SCFD2: variants seen among roughly 807,000 people sequenced by gnomAD.
SCFD2 encodes sec1 family domain-containing protein 2.
In SCFD2, 54 loss-of-function variants were observed where a neutral mutation model predicts 58.9. That is an observed-to-expected ratio of 0.92 (90% CI 0.74 to 1.15). The LOEUF (loss-of-function observed/expected upper bound fraction) is 1.15. Among genes scored for constraint, SCFD2 ranks in the 50% most tolerant of loss-of-function variants. SCFD2 has a pLI of 0.00. For missense variants in SCFD2, 805 were observed against 836.6 expected, an observed-to-expected ratio of 0.96 and a Z score of 0.47; for synonymous variants, 321 against 335.9, an observed-to-expected ratio of 0.96 and a Z score of 0.49.
At chr4:53,119,705 T>C (rs565473930) in intron 5 of SCFD2, among the ~76,000 whole-genome samples, 2 of 152,236 alleles carry the variant, frequency 1.3e-5, no homozygotes, top group African/African-American at 4.8e-5. Context: ...TTCAGAACTT[T>C]CCAAACCCCT....
At chr4:53,250,485 C>T (rs1299903068) in intron 4 of SCFD2, among the ~76,000 whole-genome samples, 1 of 151,994 alleles carries the variant, frequency 6.6e-6, no homozygotes, top group African/African-American at 2.4e-5. Context: ...CACCCCAAAT[C>T]AACAGAATAT....
intron 5 of SCFD2, among the ~76,000 whole-genome samples, chr4:52,952,843 A>AT (rs1352643740): frequency 6.6e-6 from 1 of 152,210 alleles, no homozygotes; most frequent in African/African-American, 2.4e-5. Flanking sequence ...CTTTTCCCAG[A>AT]TAAAAATAGA....
intron 2 of SCFD2, among the ~76,000 whole-genome samples, chr4:53,344,895 C>T (rs10029558): frequency 0.59 from 89,910 of 151,984 alleles, 26,738 homozygotes; most frequent in Middle Eastern, 0.66. Context: ...TGACTAGCCA[C>T]ATGTAGAAAG....
chr4:52,934,321 T>C (rs533111282), intron 5 of SCFD2, among the ~76,000 whole-genome samples: 2 of 152,322 alleles, frequency 1.3e-5, no homozygotes, highest in Non-Finnish European at 2.9e-5. Flanking sequence ...ATGGTTTCAC[T>C]GTGAGCTCAT....
At chr4:53,361,039 C>T (rs538325264) in intron 1 of SCFD2, among the ~76,000 whole-genome samples, 1 of 152,132 alleles carries the variant, frequency 6.6e-6, no homozygotes, top group Non-Finnish European at 1.5e-5. Flanking sequence ...CTAAAATGCC[C>T]TCTCCCACAC....
At chr4:53,341,167 G>T (rs1314008937) in intron 2 of SCFD2, among the ~76,000 whole-genome samples, 1 of 152,186 alleles carries the variant, frequency 6.6e-6, no homozygotes, top group African/African-American at 2.4e-5. Flanking sequence ...CCAAGCTAAA[G>T]GAGGATGTTC....
At chr4:53,173,470 C>G (rs1340731399) in intron 4 of SCFD2, among the ~76,000 whole-genome samples, 1 of 146,934 alleles carries the variant, frequency 6.8e-6, no homozygotes, top group East Asian at 2.0e-4. Flanking sequence ...CTATGTGTGC[C>G]CTTAAAAGTG....
intron 4 of SCFD2, among the ~76,000 whole-genome samples, chr4:53,182,985 T>C (rs1287897780): frequency 1.3e-5 from 2 of 152,058 alleles, no homozygotes; most frequent in Non-Finnish European, 2.9e-5. Context: ...TGGCGATCAT[T>C]AAAAAGTCAG....
At chr4:52,892,802 T>C (rs1577803242) in intron 7 of SCFD2, among the ~76,000 whole-genome samples, 1 of 152,298 alleles carries the variant, frequency 6.6e-6, no homozygotes, top group Middle Eastern at 3.4e-3. Flanking sequence ...GGGAACCTGG[T>C]TTGTCTCTAT....
At chr4:53,158,369 T>C (rs1726752429) in intron 4 of SCFD2, among the ~76,000 whole-genome samples, 2 of 152,218 alleles carry the variant, frequency 1.3e-5, no homozygotes, top group Admixed American at 1.3e-4. Context: ...TCTCCACTTG[T>C]ATATCTCACC....
intron 6 of SCFD2, among the ~76,000 whole-genome samples, chr4:52,912,199 A>C (rs1402039929): frequency 1.3e-5 from 2 of 152,188 alleles, no homozygotes; most frequent in Non-Finnish European, 2.9e-5. Flanking sequence ...AGAAAAGATG[A>C]GATAATGAAC....
chr4:53,183,382 C>T (rs1158214850), intron 4 of SCFD2, among the ~76,000 whole-genome samples: 1 of 152,100 alleles, frequency 6.6e-6, no homozygotes, highest in Non-Finnish European at 1.5e-5. Context: ...AACCATCATC[C>T]TCAGCAAACT....
chr4:53,280,659 CCA>C (rs1159130056), intron 3 of SCFD2, among the ~76,000 whole-genome samples: 1 of 152,064 alleles, frequency 6.6e-6, no homozygotes, highest in Admixed American at 6.6e-5. Context: ...GAATGAAAAT[CCA>C]GTGTGTAGAA....
intron 4 of SCFD2, among the ~76,000 whole-genome samples, chr4:53,251,242 TAGCTTACCAACCAAA>T (rs1730364516): frequency 6.6e-6 from 1 of 152,062 alleles, no homozygotes; most frequent in African/African-American, 2.4e-5. Flanking sequence ...CAATAATCAA[TAGCTTACCAACCAAA>T]AAGAGTCCAG....
intron 4 of SCFD2, among the ~76,000 whole-genome samples, chr4:53,267,991 T>G (rs73149204): frequency 0.017 from 2,608 of 152,272 alleles, 86 homozygotes; most frequent in African/African-American, 0.059. Flanking sequence ...TATAAGATTT[T>G]GGAGTGGGGC....
chr4:52,909,067 T>G (rs1719418523), intron 6 of SCFD2, among the ~76,000 whole-genome samples: 1 of 152,218 alleles, frequency 6.6e-6, no homozygotes, highest in Non-Finnish European at 1.5e-5. Flanking sequence ...TACACTCTTT[T>G]GATGAGGCCA....
At chr4:53,212,928 CAT>C (rs746374037) in intron 4 of SCFD2, among the ~76,000 whole-genome samples, 28 of 151,572 alleles carry the variant, frequency 1.8e-4, no homozygotes, top group African/African-American at 4.9e-4. Context: ...AAATTCTACA[CAT>C]GAGAGAAAAG....
chr4:53,137,879 T>C lies in SCFD2; in HGVS notation c.1561+7454A>G, dbSNP rs546675995. The stretch of plus-strand genomic sequence containing the variant: ...CATCTGACCAATATACCCTAAAGCA[T>C]TGGTTTGCTCCTAATAGGTCAGAGG... On this transcript the variant is annotated intron_variant, in intron 5 of 8. Coordinates refer to ENST00000401642, the MANE Select transcript of SCFD2 (RefSeq NM_152540.4). 2.0e-4 allele frequency among the ~76,000 whole-genome samples: 30 copies of C among 152,346 alleles called. No homozygotes were observed. In the South Asian group the frequency reaches 5.4e-3, roughly 27 times the overall value.
chr4:53,317,059 A>T (rs1203085879), intron 2 of SCFD2, among the ~76,000 whole-genome samples: 3 of 151,340 alleles, frequency 2.0e-5, no homozygotes, highest in African/African-American at 7.3e-5. Context: ...GTGAGCCAAG[A>T]TCATACCACT....
Sources: gnomAD v4.1 joint callset for allele counts (sites outside exome capture counted in the v4.1 genomes callset) on GRCh38, gnomAD v4.1.1 for gene constraint, MANE v1.5 for transcripts, NCBI Gene and HGNC (gene_info 2026-07-23, HGNC 2026-07-21) for gene names.